Variants in PCDHGA10 observed in about 807,000 individuals in gnomAD.
The protein encoded by PCDHGA10 is protocadherin gamma-A10.
Under a neutral mutation model 59.5 loss-of-function variants are expected in PCDHGA10, and 42 were observed. The ratio of observed to expected loss-of-function variants is 0.71; its 90% confidence interval spans 0.55 to 0.91. PCDHGA10 has a LOEUF of 0.91. PCDHGA10 is among the 40% of genes least tolerant of loss of function. The pLI is 0.00. For synonymous variants in PCDHGA10, 511 were observed against 517.2 expected (o/e 0.99, Z 0.16); for missense variants, 1,111 against 1,198.2 (o/e 0.93, Z 1.07).
At chr5:141,464,091 T>G (rs2099075583) in intron 1 of PCDHGA10, among the ~76,000 whole-genome samples, 1 of 151,812 alleles carries the variant, frequency 6.6e-6, no homozygotes, top group African/African-American at 2.4e-5. Flanking sequence ...ATGGTGAAAC[T>G]CCGTCTCTAC....
chr5:141,430,855 C>T, intron 1 of PCDHGA10: 7 of 1,588,596 alleles, frequency 4.4e-6, no homozygotes, highest in Non-Finnish European at 6.0e-6. Context: ...CCCAGATACG[C>T]TATTCAGTTC....
chr5:141,420,382 C>A, intron 1 of PCDHGA10: 1 of 1,300,530 alleles, frequency 7.7e-7, no homozygotes. Flanking sequence ...ATAGAGTTCG[C>A]AAAATATAGG....
intron 1 of PCDHGA10, among the ~76,000 whole-genome samples, chr5:141,462,023 A>T (rs927945421): frequency 1.3e-5 from 2 of 152,112 alleles, no homozygotes; most frequent in African/African-American, 4.8e-5. Flanking sequence ...GGGTTTCTTC[A>T]TGTTGGTCAG....
chr5:141,429,651 C>G (rs62379161), intron 1 of PCDHGA10, among the ~76,000 whole-genome samples: 5,146 of 152,188 alleles, frequency 0.034, 101 homozygotes, highest in Middle Eastern at 0.088. Context: ...TATTTCTTCC[C>G]AATTTAAAAT....
rs775312856 is a variant in PCDHGA10, at chr5:141,485,899, C to G, written c.2437-8908C>G. 1.9e-6 allele frequency: 3 copies of G among 1,614,166 alleles called. No homozygotes were observed. Among genetic ancestry groups the G allele is most frequent in the Non-Finnish European group, 2.5e-6 (3 of 1,180,032 alleles). ...ACGTAAACGACAACGCCCCAGCCTT[C>G]CAGCAATCCAGCTACAGGATTAGTG... On this transcript the variant is annotated intron_variant, in intron 1 of 3. Transcript: ENST00000398610. The surrounding 1 kb of genome is among the most constrained non-coding windows in gnomAD (Gnocchi z 5.7).
chr5:141,463,438 CTTTTTTTTTTT>C (rs71576115), intron 1 of PCDHGA10, among the ~76,000 whole-genome samples: 7 of 103,256 alleles, frequency 6.8e-5, no homozygotes, highest in African/African-American at 1.8e-4. Flanking sequence ...TTTCCTTCTC[CTTTTTTTTTTT>C]TTTTTTTTTT....
At chr5:141,424,928 T>C (rs2096848391) in intron 1 of PCDHGA10, among the ~76,000 whole-genome samples, 1 of 152,204 alleles carries the variant, frequency 6.6e-6, no homozygotes, top group South Asian at 2.1e-4. Flanking sequence ...ATCAATTCAG[T>C]CAACACTCTC....
chr5:141,438,682 A>G (rs1282726848), intron 1 of PCDHGA10, among the ~76,000 whole-genome samples: 13 of 140,730 alleles, frequency 9.2e-5, no homozygotes, highest in Admixed American at 6.6e-4. Flanking sequence ...GGAGTAGGGG[A>G]TGGAGTCTTG....
Position 141,511,208 on chromosome 5 carries a change from C to T in PCDHGA10, c.*35C>T, listed in dbSNP as rs1278180818. 27 of 1,610,922 alleles carry T rather than the reference C, an allele frequency of 1.7e-5. No individual in the cohort carries two copies. Among genetic ancestry groups the T allele is most frequent in the Non-Finnish European group, 2.3e-5 (27 of 1,178,572 alleles). ...CAGGCCAAGAGCCACAGGGCGGCCT[C>T]TCCCCAACCAGCCCAGCTTCTCCTT... On this transcript the variant is annotated 3_prime_UTR_variant, in exon 4 of 4. Coordinates refer to ENST00000398610, the MANE Select transcript of PCDHGA10 (RefSeq NM_018913.3).
chr5:141,478,415 C>T, intron 1 of PCDHGA10: 1 of 1,613,648 alleles, frequency 6.2e-7, no homozygotes, highest in Non-Finnish European at 8.5e-7. Flanking sequence ...CACGGACTCC[C>T]GCCGCAGCGA....
At chr5:141,435,435 T>G (rs2097763289) in intron 1 of PCDHGA10, among the ~76,000 whole-genome samples, 1 of 152,212 alleles carries the variant, frequency 6.6e-6, no homozygotes. Context: ...TGTTATGCAT[T>G]TCATTAATAC....
chr5:141,415,740 GT>G (rs57426385), intron 1 of PCDHGA10, 129 bp downstream of exon 1: 12,894 of 617,008 alleles, frequency 0.021, 1 homozygote, highest in South Asian at 0.027. Flanking sequence ...GTTTATTAAG[GT>G]TTTTTTTTTT....
chr5:141,417,859 GAT>G, intron 1 of PCDHGA10: 1 of 1,548,208 alleles, frequency 6.5e-7, no homozygotes, highest in Middle Eastern at 1.7e-4. Context: ...CCGAGCGAAC[GAT>G]GGGAGGGAGC....
Position 141,490,637 on chromosome 5 carries a change from A to C in PCDHGA10, c.2437-4170A>C. ...CTTTACACTGCTTACATCCTAGAAA[A>C]CCGGCCTCCGGGCTCCCTTCTTTGC... is the stretch of plus-strand genomic sequence containing the variant. On this transcript the variant is annotated intron_variant, in intron 1 of 3. Coordinates refer to ENST00000398610, the MANE Select transcript of PCDHGA10 (RefSeq NM_018913.3). This position sits in a 1 kb window ranked among gnomAD's most constrained non-coding sequence, Gnocchi z 5.4. 1 of 1,614,108 alleles carries C rather than the reference A, an allele frequency of 6.2e-7. No individual in the cohort carries two copies. Among genetic ancestry groups the C allele is most frequent in the Non-Finnish European group, 8.5e-7 (1 of 1,179,992 alleles).
intron 1 of PCDHGA10, chr5:141,423,386 G>T: frequency 6.2e-7 from 1 of 1,614,160 alleles, no homozygotes; most frequent in Middle Eastern, 1.7e-4. Flanking sequence ...CTGTGGCGCT[G>T]GCATAAGTCA....
At chr5:141,422,568 C>A (rs372115955) in intron 1 of PCDHGA10, 5 of 1,613,904 alleles carry the variant, frequency 3.1e-6, no homozygotes, top group Admixed American at 3.3e-5. Context: ...CAGATGACAA[C>A]GATAACCCTC....
At chr5:141,434,515 G>A (rs1032584764) in intron 1 of PCDHGA10, among the ~76,000 whole-genome samples, 1 of 152,296 alleles carries the variant, frequency 6.6e-6, no homozygotes, top group African/African-American at 2.4e-5. Context: ...CTGCTTAAAG[G>A]TGTTCTTAAA....
intron 1 of PCDHGA10, chr5:141,478,808 T>A: frequency 3.4e-6 from 5 of 1,459,124 alleles, no homozygotes; most frequent in Non-Finnish European, 4.5e-6. Context: ...TCTTTTGCTA[T>A]CACAACTAAC....
intron 1 of PCDHGA10, among the ~76,000 whole-genome samples, chr5:141,460,672 TATATCTATATA>T (rs2098995194): frequency 6.6e-6 from 1 of 152,086 alleles, no homozygotes; most frequent in Admixed American, 6.6e-5. Flanking sequence ...AACACAGTTA[TATATCTATATA>T]TCCACCAACA....
Sources: gnomAD v4.1 joint callset for allele counts (sites outside exome capture counted in the v4.1 genomes callset) on GRCh38, gnomAD v4.1.1 for gene constraint, Gnocchi (gnomAD v3.1) non-coding constraint, MANE v1.5 for transcripts, NCBI Gene and HGNC (gene_info 2026-07-23, HGNC 2026-07-21) for gene names.